Variants in XYLT1 observed in about 807,000 individuals in gnomAD.
XYLT1 encodes the protein xylosyltransferase 1, also known as beta-D-xylosyltransferase 1.
Under a neutral mutation model 91.3 loss-of-function variants are expected in XYLT1, and 36 were observed. The observed-to-expected ratio is 0.39, with a 90% CI of 0.30 to 0.52. The LOEUF (loss-of-function observed/expected upper bound fraction) is 0.52. Ranked by LOEUF, XYLT1 falls within the 20% of genes least tolerant of loss-of-function variation. The pLI is 0.68. For missense variants in XYLT1, 1,242 were observed against 1,284.5 expected (o/e 0.97, Z 0.51); for synonymous variants, 588 against 532.0 (o/e 1.11, Z -1.45).
intron 1 of XYLT1, among the ~76,000 whole-genome samples, chr16:17,394,138 T>C (rs1472929384): frequency 2.0e-5 from 3 of 152,170 alleles, no homozygotes; most frequent in African/African-American, 7.2e-5. Context: ...CCAAATATAT[T>C]TAATAACTGA....
At chr16:17,458,763 A>C (rs1036582668) in intron 1 of XYLT1, among the ~76,000 whole-genome samples, 2 of 152,060 alleles carry the variant, frequency 1.3e-5, no homozygotes, top group African/African-American at 4.8e-5. Flanking sequence ...TTGTTAACCC[A>C]CTTCTTCTTA....
intron 6 of XYLT1, among the ~76,000 whole-genome samples, chr16:17,147,859 C>T (rs1367533732): frequency 1.3e-5 from 2 of 152,206 alleles, no homozygotes; most frequent in Admixed American, 6.5e-5. Flanking sequence ...AAATATGGCT[C>T]ACCAACAAGG....
intron 2 of XYLT1, among the ~76,000 whole-genome samples, chr16:17,300,712 G>T (rs1469286223): frequency 6.6e-6 from 1 of 151,856 alleles, no homozygotes; most frequent in Non-Finnish European, 1.5e-5. Flanking sequence ...GCCCACCTTA[G>T]CCTCCCAAAG....
intron 3 of XYLT1, among the ~76,000 whole-genome samples, chr16:17,255,325 T>TTC (rs1567343627): frequency 6.6e-6 from 1 of 152,138 alleles, no homozygotes; most frequent in African/African-American, 2.4e-5. Context: ...TTAGGTTTAA[T>TTC]GGGAACATAG....
At chr16:17,322,436 C>T (rs1167333086) in intron 2 of XYLT1, among the ~76,000 whole-genome samples, 2 of 152,176 alleles carry the variant, frequency 1.3e-5, no homozygotes, top group African/African-American at 4.8e-5. Flanking sequence ...AGACAGAGTG[C>T]TGCAGTGTCC....
At chr16:17,249,536 A>G (rs1343158356) in intron 3 of XYLT1, 1 of 152,276 alleles carries the variant, frequency 6.6e-6, no homozygotes, top group East Asian at 1.9e-4. Context: ...AAAGGAATTC[A>G]GCATATCCAA....
intron 10 of XYLT1, among the ~76,000 whole-genome samples, chr16:17,126,106 C>A (rs1185631983): frequency 1.3e-5 from 2 of 152,182 alleles, no homozygotes; most frequent in Non-Finnish European, 2.9e-5. Context: ...AGAAAAAATT[C>A]AAAATACAAG....
At chr16:17,439,734 TAAC>T (rs2141940369) in intron 1 of XYLT1, among the ~76,000 whole-genome samples, 1 of 152,336 alleles carries the variant, frequency 6.6e-6, no homozygotes, top group African/African-American at 2.4e-5. Context: ...AAAGATGTGC[TAAC>T]AACAAACCGA....
At chr16:17,444,526 T>A (rs1314326306) in intron 1 of XYLT1, among the ~76,000 whole-genome samples, 2 of 151,066 alleles carry the variant, frequency 1.3e-5, no homozygotes, top group East Asian at 3.9e-4. Flanking sequence ...TTTTTTTTTT[T>A]AATAGAGACA....
intron 1 of XYLT1, among the ~76,000 whole-genome samples, chr16:17,416,842 G>C (rs115257531): frequency 6.6e-6 from 1 of 152,174 alleles, no homozygotes; most frequent in Non-Finnish European, 1.5e-5. Flanking sequence ...TCGGAGATGT[G>C]GGGGAGAGGA....
chr16:17,134,745 TG>T lies in XYLT1; in HGVS notation c.1765-11del. 6.2e-7 allele frequency: 1 copy of T among 1,612,498 alleles called. No homozygotes were observed. Among genetic ancestry groups the T allele is most frequent in the East Asian group, 2.2e-5 (1 of 44,826 alleles). ...TAGGCCGGGCTGTCTGCTGTACTCA[TG>T]GGATTAAAAATAGAAAAGCCACATC... On this transcript the variant is annotated splice_polypyrimidine_tract_variant and intron_variant, in intron 8 of 11. Transcript: ENST00000261381.
At chr16:17,111,849 T>TA (rs1966841541) in intron 11 of XYLT1, among the ~76,000 whole-genome samples, 1 of 152,162 alleles carries the variant, frequency 6.6e-6, no homozygotes, top group South Asian at 2.1e-4. Context: ...CCACGGTAGT[T>TA]AGGAGCCACA....
At chr16:17,205,792 C>T (rs2032631460) in intron 3 of XYLT1, among the ~76,000 whole-genome samples, 2 of 152,160 alleles carry the variant, frequency 1.3e-5, no homozygotes, top group South Asian at 2.1e-4. Context: ...CAATTAATAA[C>T]AAATGTGAAG....
chr16:17,419,520 GC>G (rs2036223334), intron 1 of XYLT1, among the ~76,000 whole-genome samples: 1 of 152,080 alleles, frequency 6.6e-6, no homozygotes, highest in South Asian at 2.1e-4. Flanking sequence ...GGCCAGATTC[GC>G]CCATCCCTGG....
intron 2 of XYLT1, among the ~76,000 whole-genome samples, chr16:17,269,756 T>C (rs2033858206): frequency 6.6e-6 from 1 of 151,482 alleles, no homozygotes; most frequent in Non-Finnish European, 1.5e-5. Context: ...ACTGAGCTCA[T>C]CTCCCTTCCC....
At chr16:17,261,313 TCTC>T (rs1443377544) in intron 2 of XYLT1, among the ~76,000 whole-genome samples, 3 of 151,748 alleles carry the variant, frequency 2.0e-5, no homozygotes, top group African/African-American at 7.3e-5. Context: ...AGCACGAATT[TCTC>T]CTATTTGTTG....
chr16:17,107,089 A>G lies in XYLT1; in HGVS notation c.*1606T>C, dbSNP rs1001518335. 1 of 152,184 alleles carries G rather than the reference A, an allele frequency of 6.6e-6. No homozygotes were observed. The highest frequency in any genetic ancestry group is 2.4e-5 in the African/African-American group (1 of 41,458). The allele number at this position is 152,184 out of a possible 1,614,324, so 9.4% of individuals were successfully genotyped here. On this transcript the variant is annotated 3_prime_UTR_variant, in exon 12 of 12. Transcript: ENST00000261381. Reference sequence around the variant, plus strand: ...CAAAAACAGCACCTACTAATTAGTCATCGACTAAAACATGTAAATAATAAA... The same window carrying G: ...CAAAAACAGCACCTACTAATTAGTCGTCGACTAAAACATGTAAATAATAAA...
intron 2 of XYLT1, among the ~76,000 whole-genome samples, chr16:17,306,458 G>A (rs962919928): frequency 4.6e-5 from 7 of 152,192 alleles, no homozygotes; most frequent in African/African-American, 1.7e-4. Context: ...TGGAGGCTGA[G>A]GCAGGAGAAT....
chr16:17,387,141 G>A (rs912895951), intron 1 of XYLT1, among the ~76,000 whole-genome samples: 6 of 152,052 alleles, frequency 3.9e-5, no homozygotes, highest in African/African-American at 1.4e-4. Flanking sequence ...GTCCATATTC[G>A]AGCATCTCTA....
Sources: allele counts gnomAD v4.1 joint callset (sites outside exome capture counted in the v4.1 genomes callset), GRCh38; gene constraint gnomAD v4.1.1; transcripts MANE v1.5; gene names NCBI Gene and HGNC (gene_info 2026-07-23, HGNC 2026-07-21).